WAC: variants seen among roughly 807,000 people sequenced by gnomAD.
WAC encodes the protein WW domain containing adaptor with coiled-coil, also known as WW domain-containing adapter protein with coiled-coil.
Under a neutral mutation model 79.6 loss-of-function variants are expected in WAC, and 11 were observed. The ratio of observed to expected loss-of-function variants is 0.14; its 90% confidence interval spans 0.09 to 0.23. The LOEUF is 0.23. WAC is among the 10% of genes least tolerant of loss of function. WAC has a pLI of 1.00. For synonymous variants in WAC, 304 were observed against 276.9 expected, an observed-to-expected ratio of 1.10 and a Z score of -0.97; for missense variants, 728 against 773.5, an observed-to-expected ratio of 0.94 and a Z score of 0.70.
Position 28,545,150 on chromosome 10 carries a change from C to G in WAC, c.274+9393C>G, listed in dbSNP as rs1018166727. 2.6e-5 allele frequency among the ~76,000 whole-genome samples: 4 copies of G among 151,970 alleles called. No individual in the cohort carries two copies. In the South Asian group the frequency reaches 8.3e-4, roughly 31 times the overall value. ...TTTTAAAGTTACAGCTTCCTTGACT[C>G]CCTCCCCATTACCCAGAATCAAAGC... On this transcript the variant is annotated intron_variant, in intron 3 of 13. Transcript: ENST00000354911.
chr10:28,572,479 A>G (rs937222028), intron 3 of WAC, among the ~76,000 whole-genome samples: 2 of 152,026 alleles, frequency 1.3e-5, no homozygotes, highest in Non-Finnish European at 2.9e-5. Flanking sequence ...AGAGTGGGAG[A>G]TAGAGGAGAG....
At chr10:28,547,100 ATAAT>A (rs375227814) in intron 3 of WAC, among the ~76,000 whole-genome samples, 8 of 152,190 alleles carry the variant, frequency 5.3e-5, no homozygotes, top group Admixed American at 2.0e-4. Context: ...TATTTAATGA[ATAAT>A]TATGTAGTAT....
At chr10:28,587,188 A>G (rs960743197) in intron 4 of WAC, among the ~76,000 whole-genome samples, 3 of 152,232 alleles carry the variant, frequency 2.0e-5, no homozygotes, top group African/African-American at 7.2e-5. Context: ...TTCATTTAAA[A>G]TATCAATTGT....
rs1841743104 is a variant in WAC, at chr10:28,622,950, TTC to T, written c.*3346_*3347del. The T allele has an allele frequency of 6.6e-6, 1 of 152,236 alleles. No homozygotes were observed. Among genetic ancestry groups the T allele is most frequent in the Non-Finnish European group, 1.5e-5 (1 of 68,050 alleles). 9.4% of individuals were successfully genotyped at this position (152,236 alleles called of 1,614,324 possible). A position where few individuals can be genotyped will look rare whatever the true frequency, so the allele number is the denominator to read the frequency against. On this transcript the variant is annotated 3_prime_UTR_variant, in exon 14 of 14. Transcript: ENST00000354911. ...TTCAATACCTGTAAATATGGCTATA[TTC>T]TTGTATTTGTACGGGAGTGTACAAA...
intron 3 of WAC, among the ~76,000 whole-genome samples, chr10:28,538,989 G>A (rs966159312): frequency 6.6e-6 from 1 of 151,950 alleles, no homozygotes; most frequent in Non-Finnish European, 1.5e-5. Context: ...GATTACAGCA[G>A]GTTACTTACT....
chr10:28,548,648 A>G (rs1837496576), intron 3 of WAC, among the ~76,000 whole-genome samples: 3 of 152,094 alleles, frequency 2.0e-5, no homozygotes, highest in African/African-American at 2.4e-5. Context: ...TGTTAAATAT[A>G]TGTTTTTCTG....
intron 3 of WAC, among the ~76,000 whole-genome samples, chr10:28,556,095 T>C (rs576979376): frequency 9.9e-5 from 15 of 152,282 alleles, no homozygotes; most frequent in South Asian, 6.2e-4. Flanking sequence ...TGGATAGATA[T>C]CCAGTTGTAG....
At chr10:28,580,539 G>A (rs919982014) in intron 3 of WAC, among the ~76,000 whole-genome samples, 10 of 152,100 alleles carry the variant, frequency 6.6e-5, no homozygotes, top group East Asian at 3.9e-4. Context: ...TCTGAGTGGG[G>A]TATCTAACCC....
chr10:28,602,905 C>G (rs1314014218), intron 7 of WAC, among the ~76,000 whole-genome samples: 6 of 152,124 alleles, frequency 3.9e-5, no homozygotes, highest in Admixed American at 3.3e-4. Flanking sequence ...AGTTTTGTCT[C>G]TTAAATACAT....
At chr10:28,538,727 T>TA (rs769305469) in intron 3 of WAC, among the ~76,000 whole-genome samples, 677 of 143,328 alleles carry the variant, frequency 4.7e-3, no homozygotes, top group African/African-American at 9.0e-3. Context: ...CTGTGTCTAC[T>TA]AAAAAAAAAA....
chr10:28,535,122 T>G, intron 2 of WAC: 1 of 151,678 alleles, frequency 6.6e-6, no homozygotes. Context: ...GTGTGGGTTT[T>G]TTTTTTTTTT....
chr10:28,583,551 GCAA>G, intron 4 of WAC, 46 bp downstream of exon 4: 2 of 874,380 alleles, frequency 2.3e-6, no homozygotes, highest in Non-Finnish European at 2.9e-6. Context: ...GGAATTTTTT[GCAA>G]AAAAAAAAAA....
rs71281550 is a variant in WAC, at chr10:28,563,744, C to CTTTTTTTTTTTTTT, written c.275-19639_275-19626dup. ...ACAAGTGCATGCTGCCTACACCCAG[C>CTTTTTTTTTTTTTT]TTTTTTTTTTTTTTTTTTTTTTTTT... On this transcript the variant is annotated intron_variant, in intron 3 of 13. Transcript: ENST00000354911. Among the ~76,000 whole-genome samples the CTTTTTTTTTTTTTT allele has an allele frequency of 2.5e-3, 169 of 67,900 alleles. 13 individuals are homozygous for CTTTTTTTTTTTTTT. The highest frequency in any genetic ancestry group is 0.011 in the East Asian group (11 of 1,040). The allele number at this position is 67,900 out of a possible 152,430, so 44.5% of individuals were successfully genotyped here.
At chr10:28,606,566 A>T (rs1282183189) in intron 7 of WAC, among the ~76,000 whole-genome samples, 1 of 152,202 alleles carries the variant, frequency 6.6e-6, no homozygotes, top group Non-Finnish European at 1.5e-5. Flanking sequence ...TGAGATCCAC[A>T]CTTTAGAGAG....
chr10:28,581,708 ACAC>A (rs1480731713), intron 3 of WAC, among the ~76,000 whole-genome samples: 1 of 151,776 alleles, frequency 6.6e-6, no homozygotes, highest in Non-Finnish European at 1.5e-5. Context: ...CTACAGGCAC[ACAC>A]CACCACGTCC....
rs332169 is a variant in WAC, at chr10:28,608,756, G to A, written c.1165+325G>A. Among the ~76,000 whole-genome samples the A allele has an allele frequency of 0.58, 87,614 of 151,916 alleles. 25,822 individuals are homozygous for A. The highest frequency in any genetic ancestry group is 0.68 in the East Asian group (3,496 of 5,174). On this transcript the variant is annotated intron_variant, in intron 8 of 13. Coordinates refer to ENST00000354911, the MANE Select transcript of WAC (RefSeq NM_016628.5). ...TTTACATTAAAACAATCGAGCGTTTGTTGAAATCGGTATTAAAACTTCTGG... is the reference window on the plus strand; with the variant it reads ...TTTACATTAAAACAATCGAGCGTTTATTGAAATCGGTATTAAAACTTCTGG...
At chr10:28,552,211 A>T (rs1034516494) in intron 3 of WAC, among the ~76,000 whole-genome samples, 1 of 152,064 alleles carries the variant, frequency 6.6e-6, no homozygotes, top group Non-Finnish European at 1.5e-5. Flanking sequence ...ATTCTTAGGT[A>T]TATGTGTGGT....
intron 3 of WAC, among the ~76,000 whole-genome samples, chr10:28,580,015 A>G (rs1839452763): frequency 6.6e-6 from 1 of 151,952 alleles, no homozygotes; most frequent in Non-Finnish European, 1.5e-5. Flanking sequence ...TCTTTATCTT[A>G]CTCCTCACCC....
At chr10:28,535,893 T>C (rs1037989148) in intron 3 of WAC, 136 bp downstream of exon 3, 2 of 809,842 alleles carry the variant, frequency 2.5e-6, no homozygotes, top group Admixed American at 3.4e-5. Context: ...TATCATTTTT[T>C]TTTTACTCTG....
Sources: allele counts gnomAD v4.1 joint callset (sites outside exome capture counted in the v4.1 genomes callset), GRCh38; gene constraint gnomAD v4.1.1; transcripts MANE v1.5; gene names NCBI Gene and HGNC (gene_info 2026-07-23, HGNC 2026-07-21).